Variants in SHISAL1 observed in about 807,000 individuals in gnomAD.
SHISAL1 encodes shisa like 1, also known as protein shisa-like-1.
A neutral mutation model predicts 22.6 loss-of-function variants in SHISAL1; 9 were observed. The ratio of observed to expected loss-of-function variants is 0.40; its 90% confidence interval spans 0.24 to 0.70. SHISAL1 has a LOEUF of 0.70. Among genes scored for constraint, SHISAL1 ranks in the 30% least tolerant of loss-of-function variants. The pLI is 0.39. For missense variants in SHISAL1, 246 were observed against 270.6 expected, an observed-to-expected ratio of 0.91 and a Z score of 0.64; for synonymous variants, 119 against 115.4, an observed-to-expected ratio of 1.03 and a Z score of -0.20.
intron 4 of SHISAL1, among the ~76,000 whole-genome samples, chr22:44,262,607 C>A (rs1010932910): frequency 4.6e-5 from 7 of 152,232 alleles, no homozygotes; most frequent in African/African-American, 1.7e-4. Context: ...AACTGCATAT[C>A]TAGCTAGCAG....
chr22:44,314,832 G>A (rs2055547461), upstream of SHISAL1, among the ~76,000 whole-genome samples: 1 of 152,126 alleles, frequency 6.6e-6, no homozygotes, highest in African/African-American at 2.4e-5. Flanking sequence ...GCCAAACACC[G>A]GAACACTCTT....
chr22:44,310,864 A>G lies in SHISAL1; in HGVS notation c.-33+1887T>C, dbSNP rs777994553. ...CTAGTACAAGCTCTTCAAGGGTGGGAAATTTTGTGCCTCTGCATCGCCCCA... is the reference window on the plus strand; with the variant it reads ...CTAGTACAAGCTCTTCAAGGGTGGGGAATTTTGTGCCTCTGCATCGCCCCA... On this transcript the variant is annotated intron_variant, in intron 1 of 4. Transcript: ENST00000381176. The surrounding 1 kb of genome is among the most constrained non-coding windows in gnomAD (Gnocchi z 4.0). 1.3e-5 allele frequency among the ~76,000 whole-genome samples: 2 copies of G among 151,940 alleles called. No homozygotes were observed. Among genetic ancestry groups the G allele is most frequent in the Non-Finnish European group, 2.9e-5 (2 of 67,986 alleles).
intron 4 of SHISAL1, among the ~76,000 whole-genome samples, chr22:44,258,574 G>A (rs1342835905): frequency 2.6e-5 from 4 of 152,124 alleles, no homozygotes; most frequent in African/African-American, 7.2e-5. Flanking sequence ...GTGGTATTGG[G>A]TTTTCTGTTC....
At position 44,285,523 on chromosome 22, in the gene SHISAL1, G is replaced by C; in HGVS notation, c.504C>G (p.Pro168=). 5.6e-6 allele frequency: 9 copies of C among 1,613,540 alleles called. No homozygotes were observed. The highest frequency in any genetic ancestry group is 7.6e-6 in the Non-Finnish European group (9 of 1,179,648). ...GTGGGGCTTGTGGCAGCGGGCCTGGGGGAGGCTGCGGCTGTGGGGCCCGCT... is the reference window on the plus strand; with the variant it reads ...GTGGGGCTTGTGGCAGCGGGCCTGGCGGAGGCTGCGGCTGTGGGGCCCGCT... ...PGQRAPQPQP[P]PGPLPQAPQA... The change falls in exon 4 of 5, where the codon CCC becomes CCG. Residue 168 remains proline, a synonymous_variant. Coordinates refer to ENST00000381176, the MANE Select transcript of SHISAL1 (RefSeq NM_001099294.2).
the SHISAL1 span, among the ~76,000 whole-genome samples, chr22:44,330,635 C>A: frequency 1.3e-5 from 2 of 151,840 alleles, no homozygotes; most frequent in Non-Finnish European, 2.9e-5. Context: ...CAGTTGCAGG[C>A]GCCAGGACGC....
intron 4 of SHISAL1, among the ~76,000 whole-genome samples, chr22:44,279,057 G>A (rs1197439373): frequency 6.6e-6 from 1 of 152,184 alleles, no homozygotes; most frequent in Non-Finnish European, 1.5e-5. Flanking sequence ...ACAGCAGGTG[G>A]AGTCACTGGT....
At chr22:44,256,988 TGA>T (rs1473800238) in intron 4 of SHISAL1, among the ~76,000 whole-genome samples, 2 of 152,144 alleles carry the variant, frequency 1.3e-5, no homozygotes, top group African/African-American at 4.8e-5. Context: ...AAAGCCACAA[TGA>T]GAGAGGATTT....
intron 4 of SHISAL1, among the ~76,000 whole-genome samples, chr22:44,268,145 G>A (rs1287681978): frequency 1.3e-5 from 2 of 152,168 alleles, no homozygotes; most frequent in Non-Finnish European, 2.9e-5. Flanking sequence ...ACATCCCCAT[G>A]GTAAAGGTTA....
At chr22:44,252,261 C>T (rs2055053094) in intron 4 of SHISAL1, among the ~76,000 whole-genome samples, 1 of 149,352 alleles carries the variant, frequency 6.7e-6, no homozygotes, top group South Asian at 2.1e-4. Context: ...TCAAGGTAAA[C>T]AAAAAATATA....
chr22:44,263,898 A>G (rs546266613), intron 4 of SHISAL1, among the ~76,000 whole-genome samples: 1 of 152,298 alleles, frequency 6.6e-6, no homozygotes, highest in East Asian at 1.9e-4. Flanking sequence ...AAGCTACTGC[A>G]TTTGTGATAG....
At chr22:44,261,142 C>G (rs1190396089) in intron 4 of SHISAL1, among the ~76,000 whole-genome samples, 1 of 130,186 alleles carries the variant, frequency 7.7e-6, no homozygotes, top group African/African-American at 2.9e-5. Context: ...ATTTCAAAAT[C>G]AATGACTTTT....
chr22:44,296,810 G>A lies in SHISAL1; in HGVS notation c.143C>T (p.Pro48Leu). The A allele has an allele frequency of 6.2e-7, 1 of 1,613,866 alleles. No homozygotes were observed. Among genetic ancestry groups the A allele is most frequent in the Non-Finnish European group, 8.5e-7 (1 of 1,180,028 alleles). Residue 48 changes from proline (P) to leucine (L), a missense_variant, in exon 3 of 5, where the codon CCC becomes CTC. Physicochemically the swap from Pro to Leu is moderately conservative, Grantham distance 98. This residue lies in a region of SHISAL1 where 110 missense variants were observed against 153.1 expected (regional missense o/e 0.72). Transcript: ENST00000381176. The stretch of plus-strand genomic sequence containing the variant: ...GAAGGTCTTGTTGTCCGAGAGCCGG[G>A]GGCAGTGGAAGCCAAAGTGGTAGCG... ...KGRYHFGFHCPRLSDNKTFIL... is the reference protein window; with the variant it reads ...KGRYHFGFHCLRLSDNKTFIL...
chr22:44,323,117 C>T, the SHISAL1 span, among the ~76,000 whole-genome samples: 9 of 144,232 alleles, frequency 6.2e-5, no homozygotes, highest in Admixed American at 4.1e-4. Context: ...CATCTACCCA[C>T]CTCACCCACC....
At chr22:44,276,457 C>T (rs2055240256) in intron 4 of SHISAL1, among the ~76,000 whole-genome samples, 1 of 151,876 alleles carries the variant, frequency 6.6e-6, no homozygotes, top group African/African-American at 2.4e-5. Flanking sequence ...AAAGATCACG[C>T]TGCTGCTGTC....
In SHISAL1 at chr22:44,249,617, C is replaced by G. The variant is rs1601771988; in HGVS notation, c.*68G>C. On this transcript the variant is annotated 3_prime_UTR_variant, in exon 5 of 5. Coordinates refer to ENST00000381176, the MANE Select transcript of SHISAL1 (RefSeq NM_001099294.2). ...CCCTGGCATCTCTGTAGAAGTTGTT[C>G]TTCTCGGAGGCTGCACCGGGTGCTT... The G allele has an allele frequency of 1.3e-6, 1 of 776,244 alleles. No homozygotes were observed. The allele number at this position is 776,244 out of a possible 1,614,324, so 48.1% of individuals were successfully genotyped here.
chr22:44,258,832 C>A (rs1286639926), intron 4 of SHISAL1, among the ~76,000 whole-genome samples: 2 of 152,012 alleles, frequency 1.3e-5, no homozygotes, highest in African/African-American at 2.4e-5. Flanking sequence ...CAGCATTGTG[C>A]ATAATTTGAG....
intron 4 of SHISAL1, among the ~76,000 whole-genome samples, chr22:44,284,620 C>T (rs2055298604): frequency 6.6e-6 from 1 of 152,172 alleles, no homozygotes; most frequent in Admixed American, 6.5e-5. Context: ...CTCACTCTAG[C>T]CCTTGACCTG....
At chr22:44,295,474 G>A (rs2055378980) in intron 3 of SHISAL1, among the ~76,000 whole-genome samples, 2 of 150,868 alleles carry the variant, frequency 1.3e-5, no homozygotes, top group Non-Finnish European at 2.9e-5. Flanking sequence ...CCTCAGAGCA[G>A]GAAACACCTT....
In SHISAL1 at chr22:44,306,105, C is replaced by T. The variant is rs922398948; in HGVS notation, c.-32-5128G>A. On this transcript the variant is annotated intron_variant, in intron 1 of 4. Coordinates refer to ENST00000381176, the MANE Select transcript of SHISAL1 (RefSeq NM_001099294.2). ...AAGCTACTTTGGAAACCTCCCCAGG[C>T]CTTGGGGACCAGCCAGCTGCTGTGA... 3.3e-5 allele frequency among the ~76,000 whole-genome samples: 5 copies of T among 152,368 alleles called. No homozygotes were observed. The East Asian group carries it at 9.6e-4, about 29-fold the overall frequency.
Sources: allele counts gnomAD v4.1 joint callset (sites outside exome capture counted in the v4.1 genomes callset), GRCh38; gene constraint gnomAD v4.1.1; regional missense constraint gnomAD v4.1.1; non-coding constraint Gnocchi (gnomAD v3.1); transcripts MANE v1.5; gene names NCBI Gene and HGNC (gene_info 2026-07-23, HGNC 2026-07-21).